Variants in SHKBP1 observed in about 807,000 individuals in gnomAD.
SHKBP1 encodes SH3KBP1-binding protein 1.
In SHKBP1, 71 loss-of-function variants were observed where a neutral mutation model predicts 83.9. The observed-to-expected ratio is 0.85, with a 90% CI of 0.70 to 1.03. The LOEUF is 1.03. SHKBP1 is among the 50% of genes least tolerant of loss of function. The probability of loss-of-function intolerance (pLI) is 0.00; values close to 1 mark genes in which losing one functional copy is unlikely to be tolerated. For synonymous variants in SHKBP1, 371 were observed against 398.0 expected, an observed-to-expected ratio of 0.93 and a Z score of 0.81; for missense variants, 824 against 982.4, an observed-to-expected ratio of 0.84 and a Z score of 2.16.
intron 10 of SHKBP1, 72 bp downstream of exon 10, chr19:40,582,538 C>A: frequency 7.7e-7 from 1 of 1,293,748 alleles, no homozygotes; most frequent in South Asian, 1.3e-5. Context: ...AAGGGGTTCA[C>A]GTCTGCCCCC....
At chr19:40,584,634 T>C (rs1179039189) in intron 12 of SHKBP1, among the ~76,000 whole-genome samples, 1 of 152,216 alleles carries the variant, frequency 6.6e-6, no homozygotes, top group African/African-American at 2.4e-5. Flanking sequence ...CTTTCTCTTT[T>C]TGTTTGAGAC....
chr19:40,588,770 A>AATGAC lies in SHKBP1; in HGVS notation c.1486_1490dup (p.Ile497MetfsTer84), dbSNP rs1406787063. 6.2e-7 allele frequency: 1 copy of AATGAC among 1,613,234 alleles called. No homozygotes were observed. The highest frequency in any genetic ancestry group is 8.5e-7 in the Non-Finnish European group (1 of 1,179,982). On this transcript the variant is annotated frameshift_variant, in exon 14 of 18. Transcript: ENST00000291842. LOFTEE classifies it high-confidence loss of function. ...TGGGCATGGCGGCTGCAGTGCTGGC[A>AATGAC]ATGACATTGGTGCCTACTGGCTCCT...
In SHKBP1 at chr19:40,580,236, G is replaced by A. The variant is rs557243079; in HGVS notation, c.401-88G>A. The A allele has an allele frequency of 5.3e-4, 772 of 1,461,536 alleles. 2 individuals carry two copies. The Middle Eastern group carries it at 5.6e-3, about 11-fold the overall frequency. 90.5% of individuals were successfully genotyped at this position (1,461,536 alleles called of 1,614,324 possible). ...CCGGAGACTATGTCCCACACATGGG[G>A]AAATCAATCACCGTCATATTTTAAG... On this transcript the variant is annotated intron_variant, in intron 6 of 17. Transcript: ENST00000291842.
At chr19:40,581,122 A>T (rs1165955765) in intron 9 of SHKBP1, among the ~76,000 whole-genome samples, 186 bp downstream of exon 9, 1 of 152,084 alleles carries the variant, frequency 6.6e-6, no homozygotes, top group Non-Finnish European at 1.5e-5. Flanking sequence ...TTCCTAGAAA[A>T]ATCCACCCAC....
At chr19:40,581,652 C>T (rs1459776774) in intron 9 of SHKBP1, among the ~76,000 whole-genome samples, 6 of 152,040 alleles carry the variant, frequency 3.9e-5, no homozygotes, top group African/African-American at 1.4e-4. Flanking sequence ...TCGAGGCTGC[C>T]GTGAGCTATG....
rs1281998226 is a variant in SHKBP1 at position 40,590,831 on chromosome 19, T to G, written c.1870T>G (p.Ser624Ala). The G allele has an allele frequency of 1.9e-6, 3 of 1,587,966 alleles. No individual in the cohort carries two copies. The highest frequency in any genetic ancestry group is 1.3e-5 in the African/African-American group (1 of 74,448). ...APSWGCLPSP[S>A]PRISLTSLHS... The stretch of plus-strand genomic sequence containing the variant: ...CTCATGGGGCTGTCTCCCCAGCCCC[T>G]CACCCCGCATCTCCCTCACCAGGTA... The change falls in exon 17 of 18, where the codon TCA becomes GCA. Residue 624 changes from serine to alanine, a missense_variant. Ser to Ala is a moderately conservative substitution (Grantham distance 99, BLOSUM62 1). Transcript: ENST00000291842. This position sits in a 1 kb window ranked among gnomAD's most constrained non-coding sequence, Gnocchi z 4.6.
intron 12 of SHKBP1, 79 bp from the exon 13 acceptor site, chr19:40,586,695 C>A: frequency 7.4e-7 from 1 of 1,350,006 alleles, no homozygotes; most frequent in East Asian, 2.7e-5. Context: ...TGTCTCTGTT[C>A]TGTGCCTGTT....
At position 40,588,791 on chromosome 19, in the gene SHKBP1, C is replaced by A; in HGVS notation, c.1492+12C>A. On this transcript the variant is annotated intron_variant, in intron 14 of 17. Coordinates refer to ENST00000291842, the MANE Select transcript of SHKBP1 (RefSeq NM_138392.4). ...TGGCAATGACATTGGTGCCTACTGG[C>A]TCCTGGCCTTCCCACCCCACTGACC... 6.2e-7 allele frequency: 1 copy of A among 1,611,742 alleles called. No homozygotes were observed. The highest frequency in any genetic ancestry group is 2.2e-5 in the East Asian group (1 of 44,878).
chr19:40,590,549 C>G lies in SHKBP1; in HGVS notation c.1768+127C>G. On this transcript the variant is annotated intron_variant, in intron 16 of 17. Coordinates refer to ENST00000291842, the MANE Select transcript of SHKBP1 (RefSeq NM_138392.4). The surrounding 1 kb of genome is among the most constrained non-coding windows in gnomAD (Gnocchi z 4.6). ...CTGACCCCTTTTCCTTTGACCCCCT[C>G]TCTGCTCCCCATCCCTTCCTGCCCT... 1.6e-6 allele frequency: 2 copies of G among 1,283,450 alleles called. No homozygotes were observed. Among genetic ancestry groups the G allele is most frequent in the Non-Finnish European group, 2.2e-6 (2 of 927,396 alleles). The allele number at this position is 1,283,450 out of a possible 1,614,324, so 79.5% of individuals were successfully genotyped here. A position where few individuals can be genotyped will look rare whatever the true frequency, so the allele number is the denominator to read the frequency against.
chr19:40,580,818 G>A lies in SHKBP1; in HGVS notation c.726G>A (p.Ala242=), dbSNP rs757707437. The stretch of plus-strand genomic sequence containing the variant: ...TGGACTGGCCCATCGAACGACTGGC[G>A]CTCACAGCCCGGGTGCATGGTGGGG... ...PRLDWPIERL[A]LTARVHGGAL... is the part of the protein sequence containing the mutation. The change falls in exon 9 of 18, where the codon GCG becomes GCA. Residue 242 remains alanine, a synonymous_variant. Transcript: ENST00000291842. The A allele has an allele frequency of 9.9e-6, 16 of 1,613,114 alleles. No homozygotes were observed. Among genetic ancestry groups the A allele is most frequent in the South Asian group, 2.2e-5 (2 of 90,956 alleles).
In SHKBP1 at chr19:40,590,660, T is replaced by C. The variant is rs1286629569; in HGVS notation, c.1769-70T>C. 2 of 1,509,042 alleles carry C rather than the reference T, an allele frequency of 1.3e-6. No individual in the cohort carries two copies. The highest frequency in any genetic ancestry group is 1.4e-5 in the African/African-American group (1 of 72,190). 93.5% of individuals were successfully genotyped at this position (1,509,042 alleles called of 1,614,324 possible). ...CTGTCCTGACCCTCGGTGCTTGCAC[T>C]GCAATGCAACCCAGGCCCTTGCCCT... On this transcript the variant is annotated intron_variant, in intron 16 of 17. Transcript: ENST00000291842. The surrounding 1 kb of genome is among the most constrained non-coding windows in gnomAD (Gnocchi z 4.6).
chr19:40,578,076 T>C, intron 4 of SHKBP1, 78 bp from the exon 5 acceptor site: 11 of 1,200,218 alleles, frequency 9.2e-6, no homozygotes, highest in Non-Finnish European at 1.4e-5. Context: ...CTCTGTGCAG[T>C]TTTGAAAATT....
chr19:40,586,725 T>A, intron 12 of SHKBP1, 49 bp from the exon 13 acceptor site: 2 of 1,449,722 alleles, frequency 1.4e-6, no homozygotes, highest in South Asian at 2.8e-5. Context: ...CTGCCCTGGT[T>A]TCTGTCTCTG....
chr19:40,577,127 C>A, intron 1 of SHKBP1, 104 bp from the exon 2 acceptor site: 1 of 1,463,376 alleles, frequency 6.8e-7, no homozygotes, highest in Non-Finnish European at 9.4e-7. Flanking sequence ...TGGAAAAACG[C>A]CGGGGGAGGG....
Position 40,577,627 on chromosome 19 carries a change from C to T in SHKBP1, c.257C>T (p.Pro86Leu). 1 of 1,614,114 alleles carries T rather than the reference C, an allele frequency of 6.2e-7. No individual in the cohort carries two copies. Among genetic ancestry groups the T allele is most frequent in the South Asian group, 1.1e-5 (1 of 91,078 alleles). Reference protein sequence around the residue: ...LNFLRTKELDPRGVHGSSLLH... With the variant: ...LNFLRTKELDLRGVHGSSLLH... ...TTCCTGCGCACCAAAGAGTTGGATC[C>T]CAGGTTGGCATGGAAAAAGGGGAGG... Residue 86 changes from proline (P) to leucine (L), a missense_variant, in exon 4 of 18, where the codon CCC (proline) becomes CTC (leucine). By Grantham distance (98) the Pro-to-Leu change is moderately conservative. Transcript: ENST00000291842.
Position 40,576,925 on chromosome 19 carries a change from A to T in SHKBP1, c.26A>T (p.Glu9Val). The T allele has an allele frequency of 6.7e-7, 1 of 1,485,590 alleles. No homozygotes were observed. The highest frequency in any genetic ancestry group is 1.4e-5 in the South Asian group (1 of 72,424). 92.0% of individuals were successfully genotyped at this position (1,485,590 alleles called of 1,614,324 possible). A position where few individuals can be genotyped will look rare whatever the true frequency, so the allele number is the denominator to read the frequency against. MAAAATAA[E>V]GVPSRGPPGE... The stretch of plus-strand genomic sequence containing the variant: ...ATGGCAGCAGCGGCTACTGCAGCCG[A>T]GGGGGTCCCCAGTCGGGGGCCTCCC... Residue 9 changes from glutamate to valine, a missense_variant, in exon 1 of 18, where the codon GAG becomes GTG. Glu to Val is a moderately radical substitution (Grantham distance 121, BLOSUM62 -2). Transcript: ENST00000291842.
In SHKBP1 at chr19:40,580,890, G is replaced by A. The variant is rs758741342; in HGVS notation, c.798G>A (p.Glu266=). ...DKMVAAATGS[E]ILLWALQAEG... Reference sequence around the variant, plus strand: ...TGGTGGCAGCAGCCACCGGCAGCGAGATCCTGCTATGGGCTCTGCAGGCGG... The same window carrying A: ...TGGTGGCAGCAGCCACCGGCAGCGAAATCCTGCTATGGGCTCTGCAGGCGG... The change falls in exon 9 of 18, where the codon GAG becomes GAA. Residue 266 remains glutamate (E), a synonymous_variant. Transcript: ENST00000291842. 2.9e-5 allele frequency: 46 copies of A among 1,610,134 alleles called. No individual in the cohort carries two copies. In the South Asian group the frequency reaches 4.7e-4, roughly 17 times the overall value.
chr19:40,578,196 T>C lies in SHKBP1; in HGVS notation c.303T>C (p.Tyr101=). ...GSSLLHEAQF[Y]GLTPLVRRLQ... The stretch of plus-strand genomic sequence containing the variant: ...GCCTCCTCCATGAAGCCCAGTTCTA[T>C]GGGCTCACTCCTCTGGGTAAGTGGG... Residue 101 remains tyrosine, a synonymous_variant, in exon 5 of 18, where the codon TAT becomes TAC. Coordinates refer to ENST00000291842, the MANE Select transcript of SHKBP1 (RefSeq NM_138392.4). 6.2e-7 allele frequency: 1 copy of C among 1,614,206 alleles called. No homozygotes were observed. The highest frequency in any genetic ancestry group is 8.5e-7 in the Non-Finnish European group (1 of 1,180,026).
chr19:40,586,102 T>C (rs977674600), intron 12 of SHKBP1, among the ~76,000 whole-genome samples: 1 of 152,018 alleles, frequency 6.6e-6, no homozygotes, highest in Non-Finnish European at 1.5e-5. Context: ...GAGATGAGGG[T>C]CTCACTATGT....
Sources: gnomAD v4.1 joint callset for allele counts (sites outside exome capture counted in the v4.1 genomes callset) on GRCh38, gnomAD v4.1.1 for gene constraint, Gnocchi (gnomAD v3.1) non-coding constraint, MANE v1.5 for transcripts, NCBI Gene and HGNC (gene_info 2026-07-23, HGNC 2026-07-21) for gene names.